Variants in SLC39A9 observed in about 807,000 individuals in gnomAD.
The protein encoded by SLC39A9 is zinc transporter ZIP9.
Under a neutral mutation model 28.4 loss-of-function variants are expected in SLC39A9, and 14 were observed. That is an observed-to-expected ratio of 0.49 (90% CI 0.33 to 0.77). SLC39A9 has a LOEUF of 0.77. SLC39A9 is among the 30% of genes least tolerant of loss of function. The probability of loss-of-function intolerance (pLI) is 0.02; values close to 1 mark genes in which losing one functional copy is unlikely to be tolerated. For synonymous variants in SLC39A9, 119 were observed against 149.6 expected (o/e 0.80, Z 1.49); for missense variants, 283 against 381.1 (o/e 0.74, Z 2.14).
At chr14:69,433,325 T>A (rs1328572091) in intron 2 of SLC39A9, among the ~76,000 whole-genome samples, 1 of 152,194 alleles carries the variant, frequency 6.6e-6, no homozygotes, top group Non-Finnish European at 1.5e-5. Context: ...TATATGCTGC[T>A]GGATTCAATT....
intron 2 of SLC39A9, among the ~76,000 whole-genome samples, chr14:69,431,186 T>G (rs530004612): frequency 9.5e-4 from 144 of 152,308 alleles, no homozygotes; most frequent in Middle Eastern, 3.4e-3. Flanking sequence ...GATCTGCAGA[T>G]AGTTTATTGA....
chr14:69,433,762 GTCTTC>G (rs1884608165), intron 2 of SLC39A9, among the ~76,000 whole-genome samples: 1 of 150,842 alleles, frequency 6.6e-6, no homozygotes, highest in East Asian at 1.9e-4. Flanking sequence ...CTCTTCTCTT[GTCTTC>G]TCTTCTCTTT....
At chr14:69,407,705 C>T (rs184846093) in intron 1 of SLC39A9, among the ~76,000 whole-genome samples, 2 of 151,106 alleles carry the variant, frequency 1.3e-5, no homozygotes, top group Non-Finnish European at 2.9e-5. Context: ...ATGGCACGAT[C>T]TCGGCTCACT....
intron 1 of SLC39A9, among the ~76,000 whole-genome samples, chr14:69,414,341 C>T (rs537004158): frequency 1.3e-5 from 2 of 152,332 alleles, no homozygotes; most frequent in Non-Finnish European, 2.9e-5. Context: ...TATTATGAAG[C>T]ACTTGGTAAG....
chr14:69,437,652 C>T (rs1055571482), intron 2 of SLC39A9, among the ~76,000 whole-genome samples: 3 of 151,132 alleles, frequency 2.0e-5, no homozygotes, highest in African/African-American at 7.3e-5. Context: ...TGCAGTGGCA[C>T]CATCTCAGCT....
Position 69,459,957 on chromosome 14 carries a change from C to T in SLC39A9, c.*1364C>T. ...CTTTGTTGAGCCCTTAAAATACCACCTCCTCATGTGTAAATTGACACAATC... is the reference window on the plus strand; with the variant it reads ...CTTTGTTGAGCCCTTAAAATACCACTTCCTCATGTGTAAATTGACACAATC... On this transcript the variant is annotated 3_prime_UTR_variant, in exon 7 of 7. Transcript: ENST00000336643. The T allele has an allele frequency of 3.0e-6, 3 of 985,408 alleles. No individual in the cohort carries two copies. The highest frequency in any genetic ancestry group is 3.6e-6 in the Non-Finnish European group (3 of 829,632). 61.0% of individuals were successfully genotyped at this position (985,408 alleles called of 1,614,324 possible). A position where few individuals can be genotyped will look rare whatever the true frequency, so the allele number is the denominator to read the frequency against.
intron 2 of SLC39A9, chr14:69,441,730 G>T: frequency 1.1e-6 from 1 of 914,668 alleles, no homozygotes; most frequent in Non-Finnish European, 1.3e-6. Context: ...GTATTTTCTG[G>T]TGAGATTGGC....
Position 69,436,366 on chromosome 14 carries a change from T to C in SLC39A9, c.206-5703T>C, listed in dbSNP as rs567871330. On this transcript the variant is annotated intron_variant, in intron 2 of 6. Transcript: ENST00000336643. ...TGATCTGTGGGTTGGGTTGATTGTC[T>C]TTTCCCTCGGTAATTGGTCAAAATT... 1.1e-4 allele frequency among the ~76,000 whole-genome samples: 17 copies of C among 152,342 alleles called. No homozygotes were observed. In the South Asian group the frequency reaches 3.1e-3, roughly 28 times the overall value.
intron 1 of SLC39A9, among the ~76,000 whole-genome samples, chr14:69,420,020 G>A (rs940411343): frequency 6.6e-6 from 1 of 152,192 alleles, no homozygotes; most frequent in South Asian, 2.1e-4. Context: ...ATTGTTATGT[G>A]TGAATTTGAT....
intron 2 of SLC39A9, chr14:69,429,587 T>C (rs1385088706): frequency 6.6e-6 from 1 of 152,200 alleles, no homozygotes; most frequent in African/African-American, 2.4e-5. Context: ...GCATGGTGCC[T>C]CACACCTGTA....
Position 69,416,430 on chromosome 14 carries a change from A to G in SLC39A9, c.97-7664A>G, listed in dbSNP as rs181048308. 3.0e-3 allele frequency among the ~76,000 whole-genome samples: 452 copies of G among 152,320 alleles called. 3 individuals carry two copies. The highest frequency in any genetic ancestry group is 0.011 in the African/African-American group (437 of 41,560). On this transcript the variant is annotated intron_variant, in intron 1 of 6. Transcript: ENST00000336643. Reference sequence around the variant, plus strand: ...TGTTGTGAATAGTGCTGCAATAAACATACGTGTGCATGTGTCTTTATAGCA... The same window carrying G: ...TGTTGTGAATAGTGCTGCAATAAACGTACGTGTGCATGTGTCTTTATAGCA...
At chr14:69,457,353 C>T (rs1476676548) in intron 6 of SLC39A9, among the ~76,000 whole-genome samples, 3 of 152,128 alleles carry the variant, frequency 2.0e-5, no homozygotes, top group Admixed American at 2.0e-4. Context: ...CAGGCGCCCG[C>T]CACCATGCCC....
At chr14:69,452,685 T>C (rs1206176563) in intron 3 of SLC39A9, among the ~76,000 whole-genome samples, 1 of 152,064 alleles carries the variant, frequency 6.6e-6, no homozygotes, top group Non-Finnish European at 1.5e-5. Context: ...TTAATTATAT[T>C]AGGGAAAAAT....
chr14:69,411,767 T>C (rs1282930288), intron 1 of SLC39A9, among the ~76,000 whole-genome samples: 2 of 151,534 alleles, frequency 1.3e-5, no homozygotes, highest in Non-Finnish European at 2.9e-5. Flanking sequence ...GAGTCTAAAA[T>C]GATCAGGTAA....
At chr14:69,415,532 G>A (rs989903779) in intron 1 of SLC39A9, among the ~76,000 whole-genome samples, 11 of 152,002 alleles carry the variant, frequency 7.2e-5, no homozygotes, top group African/African-American at 1.7e-4. Flanking sequence ...CTTTGTCAGC[G>A]TCATGGAGTC....
chr14:69,412,410 TAAA>T (rs1200689201), intron 1 of SLC39A9, among the ~76,000 whole-genome samples: 1 of 150,090 alleles, frequency 6.7e-6, no homozygotes, highest in Non-Finnish European at 1.5e-5. Flanking sequence ...AATAAATAAA[TAAA>T]TAAATAAATA....
chr14:69,456,311 T>G (rs1885857751), intron 6 of SLC39A9, among the ~76,000 whole-genome samples: 1 of 152,202 alleles, frequency 6.6e-6, no homozygotes, highest in Non-Finnish European at 1.5e-5. Flanking sequence ...CATTGATTAC[T>G]GAAGTGATAG....
chr14:69,435,895 A>G (rs1337963780), intron 2 of SLC39A9, among the ~76,000 whole-genome samples: 4 of 151,118 alleles, frequency 2.6e-5, no homozygotes, highest in African/African-American at 9.7e-5. Context: ...CTGGTCTGGA[A>G]CTCCTGACCT....
At chr14:69,409,342 G>A (rs1011449263) in intron 1 of SLC39A9, among the ~76,000 whole-genome samples, 19 of 151,996 alleles carry the variant, frequency 1.3e-4, no homozygotes, top group African/African-American at 7.3e-5. Context: ...GTCATTTGTT[G>A]TTGTTGTTGT....
Sources: gnomAD v4.1 joint callset for allele counts (sites outside exome capture counted in the v4.1 genomes callset) on GRCh38, gnomAD v4.1.1 for gene constraint, MANE v1.5 for transcripts, NCBI Gene and HGNC (gene_info 2026-07-23, HGNC 2026-07-21) for gene names.